NOL4L: variants seen among roughly 807,000 people sequenced by gnomAD.
The protein encoded by NOL4L is nucleolar protein 4 like, also known as nucleolar protein 4-like.
Under a neutral mutation model 64.5 loss-of-function variants are expected in NOL4L, and 7 were observed. That is an observed-to-expected ratio of 0.11 (90% CI 0.06 to 0.20). The LOEUF (loss-of-function observed/expected upper bound fraction) is 0.20, where lower values mean the gene tolerates loss of function less well. Among genes scored for constraint, NOL4L ranks in the 10% least tolerant of loss-of-function variants. NOL4L has a pLI of 1.00. For missense variants in NOL4L, 680 were observed against 967.1 expected, an observed-to-expected ratio of 0.70 and a Z score of 3.94; for synonymous variants, 413 against 401.0, an observed-to-expected ratio of 1.03 and a Z score of -0.36.
At position 32,488,815 on chromosome 20, in the gene NOL4L, T is replaced by C. The variant is rs1331324231; in HGVS notation, c.700-14073A>G. On this transcript the variant is annotated intron_variant, in intron 4 of 10. Transcript: ENST00000621426. ...CCTTTCTTTCTTTCTTTTTCTTTCTTTCTTTCTTTCTTTTTCTTTCTTTCT... is the reference window on the plus strand; with the variant it reads ...CCTTTCTTTCTTTCTTTTTCTTTCTCTCTTTCTTTCTTTTTCTTTCTTTCT... Among the ~76,000 whole-genome samples, 30 of 18,256 alleles carry C rather than the reference T, an allele frequency of 1.6e-3. 1 individual carries two copies. Among genetic ancestry groups the C allele is most frequent in the African/African-American group, 5.3e-3 (15 of 2,850 alleles). 12.0% of individuals were successfully genotyped at this position (18,256 alleles called of 152,430 possible).
Position 32,452,389 on chromosome 20 carries a change from T to C in NOL4L, c.1669A>G (p.Ile557Val). 1 of 1,610,962 alleles carries C rather than the reference T, an allele frequency of 6.2e-7. No homozygotes were observed. The change falls in exon 10 of 11, where the codon ATC becomes GTC. Residue 557 changes from isoleucine (I) to valine (V), a missense_variant. Around this residue, in one of 4 missense-constraint regions of NOL4L, gnomAD observed 175 missense variants for 227.0 expected, o/e 0.77. Coordinates refer to ENST00000621426, the MANE Select transcript of NOL4L (RefSeq NM_001256798.2). The part of the protein sequence containing the change: ...DKQHSRDSAA[I>V]THSTYSLPAS... Reference sequence around the variant, plus strand: ...GGCAGTGAGTAGGTGGAGTGGGTGATGGCTGCGGAGTCCCGCGAGTGCTGC... The same window carrying C: ...GGCAGTGAGTAGGTGGAGTGGGTGACGGCTGCGGAGTCCCGCGAGTGCTGC...
intron 4 of NOL4L, among the ~76,000 whole-genome samples, chr20:32,488,270 A>G (rs1600735490): frequency 6.6e-6 from 1 of 152,264 alleles, no homozygotes; most frequent in East Asian, 1.9e-4. Flanking sequence ...ACTGTGGTAG[A>G]CAGTCTCCAA....
chr20:32,492,189 G>A (rs1335708395), intron 4 of NOL4L, among the ~76,000 whole-genome samples: 1 of 152,178 alleles, frequency 6.6e-6, no homozygotes, highest in Admixed American at 6.5e-5. Flanking sequence ...GCTCCCAACT[G>A]TCCACCAATG....
chr20:32,492,159 T>C, intron 4 of NOL4L, among the ~76,000 whole-genome samples: 1 of 152,180 alleles, frequency 6.6e-6, no homozygotes, highest in Non-Finnish European at 1.5e-5. Flanking sequence ...AGGCTGGTCA[T>C]AGCAGCACTA....
At chr20:32,510,937 C>T (rs2017371765) in intron 4 of NOL4L, among the ~76,000 whole-genome samples, 1 of 152,148 alleles carries the variant, frequency 6.6e-6, no homozygotes. Context: ...GTCCTCTGGG[C>T]CCCAAGAGTG....
At position 32,474,644 on chromosome 20, in the gene NOL4L, G is replaced by A. The variant is rs574793193; in HGVS notation, c.798C>T (p.Asp266=). The A allele has an allele frequency of 1.7e-5, 27 of 1,613,698 alleles. No individual in the cohort carries two copies. The highest frequency in any genetic ancestry group is 1.3e-4 in the East Asian group (6 of 44,874). ...HLASSLSPSQ[D]ERMRSPQNLH... is the part of the protein sequence containing the mutation. ...GGTTCTGCGGGCTCCGCATCCTCTC[G>A]TCCTGGCTGGGGCTCAGGCTGGAGG... The change falls in exon 5 of 11, where the codon GAC becomes GAT. Residue 266 remains aspartate (D), a synonymous_variant. Coordinates refer to ENST00000621426, the MANE Select transcript of NOL4L (RefSeq NM_001256798.2).
At chr20:32,490,198 T>C (rs2016412597) in intron 4 of NOL4L, among the ~76,000 whole-genome samples, 1 of 151,510 alleles carries the variant, frequency 6.6e-6, no homozygotes, top group Non-Finnish European at 1.5e-5. Flanking sequence ...ATATATGTTT[T>C]CCTACTAGGT....
At chr20:32,529,004 C>G (rs2018246616) in intron 1 of NOL4L, among the ~76,000 whole-genome samples, 1 of 152,226 alleles carries the variant, frequency 6.6e-6, no homozygotes, top group South Asian at 2.1e-4. Context: ...AGGATGTGGG[C>G]TTCGCCTGCT....
chr20:32,453,812 C>G lies in NOL4L; in HGVS notation c.1120-51G>C, dbSNP rs1409939345. 6.6e-7 allele frequency: 1 copy of G among 1,520,632 alleles called. No homozygotes were observed. The highest frequency in any genetic ancestry group is 2.0e-5 in the Admixed American group (1 of 50,636). 94.2% of individuals were successfully genotyped at this position (1,520,632 alleles called of 1,614,324 possible). A position where few individuals can be genotyped will look rare whatever the true frequency, so the allele number is the denominator to read the frequency against. On this transcript the variant is annotated intron_variant, in intron 6 of 10. Transcript: ENST00000621426. This position sits in a 1 kb window ranked among gnomAD's most constrained non-coding sequence, Gnocchi z 5.6. ...GTTGGGCCAAGCAGCTGCTCAAGCC[C>G]TTGCTGGGTCTCCTACAGGCGGTGA...
At chr20:32,501,126 A>G (rs293558) in intron 4 of NOL4L, among the ~76,000 whole-genome samples, 4 of 151,998 alleles carry the variant, frequency 2.6e-5, no homozygotes, top group Non-Finnish European at 5.9e-5. Context: ...CTGACAACCA[A>G]TATCTCAACC....
At chr20:32,498,998 ACCTC>A (rs1274420667) in intron 4 of NOL4L, among the ~76,000 whole-genome samples, 5 of 151,654 alleles carry the variant, frequency 3.3e-5, no homozygotes, top group Admixed American at 6.6e-5. Context: ...TCCTGCCTCA[ACCTC>A]CTGAGTACCT....
intron 3 of NOL4L, among the ~76,000 whole-genome samples, chr20:32,520,475 C>T (rs1292797163): frequency 2.0e-5 from 3 of 152,026 alleles, no homozygotes; most frequent in African/African-American, 7.2e-5. Flanking sequence ...CAGTGGGAGG[C>T]ATGGATGGAA....
chr20:32,447,893 G>A (rs2012458688), intron 10 of NOL4L, 77 bp from the exon 11 acceptor site: 4 of 1,497,332 alleles, frequency 2.7e-6, no homozygotes, highest in Non-Finnish European at 3.6e-6. Context: ...CCTTGGCACT[G>A]TCATAACCTA....
chr20:32,464,468 C>G lies in NOL4L; in HGVS notation c.842-8073G>C, dbSNP rs978044265. 2.0e-5 allele frequency among the ~76,000 whole-genome samples: 3 copies of G among 152,252 alleles called. No individual in the cohort carries two copies. Among genetic ancestry groups the G allele is most frequent in the African/African-American group, 4.8e-5 (2 of 41,468 alleles). Reference sequence around the variant, plus strand: ...GCTCTGTCCCTGTGGTTCACACAGCCTGGCCCGGCCCCAGCCACGGAGCAG... The same window carrying G: ...GCTCTGTCCCTGTGGTTCACACAGCGTGGCCCGGCCCCAGCCACGGAGCAG... On this transcript the variant is annotated intron_variant, in intron 5 of 10. Coordinates refer to ENST00000621426, the MANE Select transcript of NOL4L (RefSeq NM_001256798.2). This position sits in a 1 kb window ranked among gnomAD's most constrained non-coding sequence, Gnocchi z 5.6.
intron 1 of NOL4L, among the ~76,000 whole-genome samples, chr20:32,561,881 C>T (rs1343436485): frequency 3.9e-5 from 6 of 152,060 alleles, no homozygotes; most frequent in African/African-American, 7.2e-5. Context: ...CCCAGCTATT[C>T]GGGAGGCTGA....
intron 1 of NOL4L, among the ~76,000 whole-genome samples, chr20:32,541,812 C>T (rs1368931646): frequency 6.6e-6 from 1 of 152,254 alleles, no homozygotes; most frequent in East Asian, 1.9e-4. Context: ...ATGTAATTTT[C>T]TATACAAATC....
chr20:32,491,536 A>G (rs1036813543), intron 4 of NOL4L, among the ~76,000 whole-genome samples: 12 of 152,276 alleles, frequency 7.9e-5, no homozygotes, highest in African/African-American at 1.7e-4. Context: ...AGGTTCTTAG[A>G]AGAGTTACCC....
At chr20:32,575,751 A>G (rs1312783577) in intron 1 of NOL4L, among the ~76,000 whole-genome samples, 1 of 152,174 alleles carries the variant, frequency 6.6e-6, no homozygotes, top group Non-Finnish European at 1.5e-5. Context: ...AAATACACAT[A>G]ATGTCAGGCA....
chr20:32,564,816 G>T (rs753510710), intron 1 of NOL4L, among the ~76,000 whole-genome samples: 1 of 152,262 alleles, frequency 6.6e-6, no homozygotes, highest in Non-Finnish European at 1.5e-5. Context: ...GCTGAAGCAG[G>T]TGCGGCTAGA....
Sources: gnomAD v4.1 joint callset for allele counts (sites outside exome capture counted in the v4.1 genomes callset) on GRCh38, gnomAD v4.1.1 for gene constraint, gnomAD v4.1.1 regional missense constraint, Gnocchi (gnomAD v3.1) non-coding constraint, MANE v1.5 for transcripts, NCBI Gene and HGNC (gene_info 2026-07-23, HGNC 2026-07-21) for gene names.